The following SLC4A10 variants were observed in gnomAD, a reference collection of about 807,000 sequenced individuals.
The protein encoded by SLC4A10 is solute carrier family 4 member 10.
Under a neutral mutation model 137.7 loss-of-function variants are expected in SLC4A10, and 42 were observed. The ratio of observed to expected loss-of-function variants is 0.30; its 90% CI spans 0.24 to 0.39. The LOEUF (loss-of-function observed/expected upper bound fraction) is 0.39. Ranked by LOEUF, SLC4A10 falls within the 10% of genes least tolerant of loss-of-function variation. The pLI is 1.00. For synonymous variants in SLC4A10, 474 were observed against 464.1 expected (o/e 1.02, Z -0.27); for missense variants, 925 against 1,355.0 (o/e 0.68, Z 4.98).
intron 15 of SLC4A10, among the ~76,000 whole-genome samples, chr2:161,934,195 A>G (rs1255748401): frequency 4.6e-5 from 7 of 152,110 alleles, no homozygotes; most frequent in Non-Finnish European, 1.5e-5. Flanking sequence ...TTATTTTAAA[A>G]TGTTCAATCC....
At chr2:161,704,748 T>C (rs1016055635) in intron 1 of SLC4A10, among the ~76,000 whole-genome samples, 2 of 151,714 alleles carry the variant, frequency 1.3e-5, no homozygotes, top group African/African-American at 4.8e-5. Flanking sequence ...TTGTTCTTAA[T>C]ATTCAGTGGT....
At chr2:161,697,008 T>G (rs2042581633) in intron 1 of SLC4A10, among the ~76,000 whole-genome samples, 1 of 152,222 alleles carries the variant, frequency 6.6e-6, no homozygotes, top group African/African-American at 2.4e-5. Flanking sequence ...CTAACTGGTG[T>G]GAGATGGTAT....
At chr2:161,898,043 G>A (rs2063699074) in intron 11 of SLC4A10, among the ~76,000 whole-genome samples, 1 of 152,032 alleles carries the variant, frequency 6.6e-6, no homozygotes, top group South Asian at 2.1e-4. Context: ...TGGATTCTGG[G>A]TATTGAGAGG....
At chr2:161,784,969 A>C (rs1026051786) in intron 2 of SLC4A10, among the ~76,000 whole-genome samples, 2 of 151,376 alleles carry the variant, frequency 1.3e-5, no homozygotes, top group Non-Finnish European at 3.0e-5. Flanking sequence ...GTTTTTTTTT[A>C]AAAGATAAAA....
intron 15 of SLC4A10, among the ~76,000 whole-genome samples, chr2:161,940,315 C>A (rs948638478): frequency 1.8e-4 from 28 of 152,298 alleles, no homozygotes; most frequent in African/African-American, 6.7e-4. Context: ...TCCCTTCACC[C>A]TTCCCCTCCA....
At chr2:161,943,120 T>A (rs1202459552) in intron 16 of SLC4A10, among the ~76,000 whole-genome samples, 1 of 152,126 alleles carries the variant, frequency 6.6e-6, no homozygotes, top group Non-Finnish European at 1.5e-5. Flanking sequence ...ATAGCTCACT[T>A]ATACAGAAAT....
chr2:161,941,840 G>A (rs2105753458), intron 15 of SLC4A10, among the ~76,000 whole-genome samples: 1 of 152,296 alleles, frequency 6.6e-6, no homozygotes, highest in African/African-American at 2.4e-5. Context: ...ATAGACAGGA[G>A]CTCAGTTTTT....
At chr2:161,841,956 ATATCT>A (rs2059212771) in intron 4 of SLC4A10, among the ~76,000 whole-genome samples, 1 of 152,304 alleles carries the variant, frequency 6.6e-6, no homozygotes, top group Admixed American at 6.5e-5. Flanking sequence ...TACAGTGTTC[ATATCT>A]TATCTTTTCC....
chr2:161,855,273 T>C (rs535423078), intron 5 of SLC4A10, 143 bp downstream of exon 5: 29 of 727,744 alleles, frequency 4.0e-5, no homozygotes, highest in Non-Finnish European at 4.0e-6. Flanking sequence ...CATTTTCTTT[T>C]ACCCTGTTAT....
At chr2:161,977,158 C>A (rs1384189863) in intron 25 of SLC4A10, 5 of 309,824 alleles carry the variant, frequency 1.6e-5, no homozygotes, top group Non-Finnish European at 3.0e-5. Context: ...TTTATTCCCT[C>A]ATCACCCACT....
In SLC4A10 at chr2:161,982,957, C is replaced by T. The variant is rs528082918; in HGVS notation, c.*27-222C>T. Among the ~76,000 whole-genome samples, 5 of 152,268 alleles carry T rather than the reference C, an allele frequency of 3.3e-5. 1 individual carries two copies. In the South Asian group the frequency reaches 1.0e-3, roughly 32 times the overall value. ...ATGTCTGATTTTTGTTGTTTAGTGT[C>T]TGTTTTTGAATTTCCCCTTCTCTGC... On this transcript the variant is annotated intron_variant, in intron 26 of 26. Transcript: ENST00000446997.
intron 1 of SLC4A10, among the ~76,000 whole-genome samples, chr2:161,744,064 T>C (rs2048176093): frequency 6.6e-6 from 1 of 152,152 alleles, no homozygotes; most frequent in Non-Finnish European, 1.5e-5. Flanking sequence ...AAGTATAAAA[T>C]AATCTGCAAA....
chr2:161,884,524 T>C (rs1341809540), intron 10 of SLC4A10, among the ~76,000 whole-genome samples: 1 of 152,214 alleles, frequency 6.6e-6, no homozygotes, highest in Non-Finnish European at 1.5e-5. Flanking sequence ...GGCTTCCACC[T>C]ATTTCTTTGA....
At position 161,968,912 on chromosome 2, in the gene SLC4A10, G is replaced by A. The variant is rs1002846767; in HGVS notation, c.3159+3739G>A. 5.3e-5 allele frequency among the ~76,000 whole-genome samples: 8 copies of A among 152,318 alleles called. No homozygotes were observed. In the East Asian group the frequency reaches 5.8e-4, roughly 11 times the overall value. On this transcript the variant is annotated intron_variant, in intron 23 of 26. Transcript: ENST00000446997. ...GTATTCTATTTTCTTGAGGCTTACA[G>A]ACTCAGTAGAAGGATGTGATCTTAC...
intron 1 of SLC4A10, among the ~76,000 whole-genome samples, chr2:161,658,046 A>T (rs1469784889): frequency 6.6e-6 from 1 of 152,150 alleles, no homozygotes; most frequent in Admixed American, 6.5e-5. Context: ...TCATGACACA[A>T]TTTATCACTT....
intron 1 of SLC4A10, among the ~76,000 whole-genome samples, chr2:161,758,984 A>G (rs2049962337): frequency 6.6e-6 from 1 of 152,012 alleles, no homozygotes; most frequent in Non-Finnish European, 1.5e-5. Flanking sequence ...AAAAGGATCT[A>G]ACAATCATAA....
chr2:161,629,260 G>T (rs1431902831), intron 1 of SLC4A10, among the ~76,000 whole-genome samples: 1 of 150,646 alleles, frequency 6.6e-6, no homozygotes, highest in Non-Finnish European at 1.5e-5. Flanking sequence ...AATAAATTTA[G>T]ATTGAAGTTT....
chr2:161,709,156 G>A (rs938214045), intron 1 of SLC4A10, among the ~76,000 whole-genome samples: 23 of 151,358 alleles, frequency 1.5e-4, no homozygotes, highest in Non-Finnish European at 4.4e-5. Flanking sequence ...CCTGAATAGA[G>A]TCAATCTTTA....
intron 15 of SLC4A10, among the ~76,000 whole-genome samples, chr2:161,925,003 C>T (rs1430846952): frequency 6.6e-6 from 1 of 152,062 alleles, no homozygotes; most frequent in Non-Finnish European, 1.5e-5. Flanking sequence ...GGAAGAATAC[C>T]TTATAGGAGA....
Sources: gnomAD v4.1 joint callset for allele counts (sites outside exome capture counted in the v4.1 genomes callset) on GRCh38, gnomAD v4.1.1 for gene constraint, MANE v1.5 for transcripts, NCBI Gene and HGNC (gene_info 2026-07-23, HGNC 2026-07-21) for gene names.